The following ANXA10 variants were observed in gnomAD, a reference collection of about 807,000 sequenced individuals.
ANXA10 encodes annexin 14.
ANXA10 carries 49 observed loss-of-function variants against 53.5 expected under a neutral mutation model. That is an observed-to-expected ratio of 0.92 (90% CI 0.73 to 1.16). The LOEUF is 1.16. Ranked by LOEUF, ANXA10 falls within the 50% of genes most tolerant of loss-of-function variation. ANXA10 has a pLI of 0.00. For synonymous variants in ANXA10, 131 were observed against 128.9 expected (o/e 1.02, Z -0.11); for missense variants, 393 against 394.4 (o/e 1.00, Z 0.03).
At chr4:168,103,864 G>A (rs1357056690) in intron 1 of ANXA10, among the ~76,000 whole-genome samples, 1 of 151,684 alleles carries the variant, frequency 6.6e-6, no homozygotes, top group African/African-American at 2.4e-5. Context: ...ATTCCAATAT[G>A]TATAATGCTT....
Position 168,162,592 on chromosome 4 carries a change from T to C in ANXA10, c.260T>C (p.Met87Thr), listed in dbSNP as rs771523675. The change falls in exon 4 of 12, where the codon ATG becomes ACG. Residue 87 changes from methionine (M) to threonine (T), a missense_variant. Met to Thr is a moderately conservative substitution (Grantham distance 81). Transcript: ENST00000359299. ...DHFKDVMAGL[M>T]YPPPLYDAHE... ...TTCAAAGATGTGATGGCTGGCCTCA[T>C]GTACCCACCACCACTGTATGATGCT... The C allele has an allele frequency of 4.3e-6, 7 of 1,613,864 alleles. No homozygotes were observed. The highest frequency in any genetic ancestry group is 8.5e-7 in the Non-Finnish European group (1 of 1,179,912).
chr4:168,178,259 G>A (rs770032171), intron 8 of ANXA10: 66 of 397,500 alleles, frequency 1.7e-4, no homozygotes, highest in Non-Finnish European at 2.7e-4. Context: ...AAATATATTA[G>A]CTGTTTCCTA....
chr4:168,104,390 T>C (rs1038593341), intron 1 of ANXA10, among the ~76,000 whole-genome samples: 1 of 151,920 alleles, frequency 6.6e-6, no homozygotes, highest in Admixed American at 6.6e-5. Context: ...GTTTTGGTAT[T>C]AGTATAATCT....
intron 1 of ANXA10, among the ~76,000 whole-genome samples, chr4:168,115,231 C>T (rs1291385048): frequency 6.6e-6 from 1 of 152,046 alleles, no homozygotes; most frequent in East Asian, 1.9e-4. Flanking sequence ...GGCATTTAGG[C>T]TGATTCCATC....
In ANXA10 at chr4:168,101,682, TG is replaced by T. The variant is rs1560957399; in HGVS notation, c.18+8968del. On this transcript the variant is annotated intron_variant, in intron 1 of 11. Transcript: ENST00000359299. ...GGATACTAGTTATACTCATTGCTAC[TG>T]GGGTATCACTGTTTATATGCCCTCT... 1.5e-4 allele frequency among the ~76,000 whole-genome samples: 23 copies of T among 152,244 alleles called. No individual in the cohort carries two copies. The East Asian group carries it at 4.4e-3, about 29-fold the overall frequency.
intron 1 of ANXA10, among the ~76,000 whole-genome samples, chr4:168,108,382 C>T (rs1020362907): frequency 6.6e-6 from 1 of 152,150 alleles, no homozygotes; most frequent in Non-Finnish European, 1.5e-5. Flanking sequence ...TTTTGAAACA[C>T]TTCTGACATT....
At chr4:168,105,045 T>C (rs1206627388) in intron 1 of ANXA10, among the ~76,000 whole-genome samples, 1 of 151,950 alleles carries the variant, frequency 6.6e-6, no homozygotes, top group African/African-American at 2.4e-5. Context: ...TTGTTTCTTC[T>C]CTTGTTTTGA....
intron 1 of ANXA10, among the ~76,000 whole-genome samples, chr4:168,120,785 C>T (rs1367621263): frequency 1.3e-5 from 2 of 151,982 alleles, no homozygotes; most frequent in Admixed American, 1.3e-4. Context: ...GAAAGTGACA[C>T]TTTAAAATGT....
At position 168,165,315 on chromosome 4, in the gene ANXA10, A is replaced by C; in HGVS notation, c.469A>C (p.Asn157His). Residue 157 changes from asparagine (N) to histidine (H), a missense_variant, in exon 6 of 12, where the codon AAC becomes CAC. Physicochemically the swap from Asn to His is moderately conservative, Grantham distance 68. Coordinates refer to ENST00000359299, the MANE Select transcript of ANXA10 (RefSeq NM_007193.5). ...TSGHFRDTLM[N>H]LVQGTREEGY... The stretch of plus-strand genomic sequence containing the variant: ...AGGACACTTCAGAGATACTCTCATG[A>C]ACTTGGTCCAGGTATGGCATTCCAA... The C allele has an allele frequency of 6.3e-7, 1 of 1,581,144 alleles. No individual in the cohort carries two copies. Among genetic ancestry groups the C allele is most frequent in the Non-Finnish European group, 8.6e-7 (1 of 1,159,912 alleles).
At chr4:168,159,320 G>C (rs1731742295) in intron 3 of ANXA10, among the ~76,000 whole-genome samples, 1 of 152,108 alleles carries the variant, frequency 6.6e-6, no homozygotes, top group Admixed American at 6.6e-5. Context: ...ACATGTTTGT[G>C]TCTAGGTTTA....
At position 168,164,190 on chromosome 4, in the gene ANXA10, T is replaced by G; in HGVS notation, c.310-8T>G. Reference sequence around the variant, plus strand: ...TCCTTACATTTATCTCTTTTTTCCTTTCTCTAGGGAGTAGGCACTGATGAG... The same window carrying G: ...TCCTTACATTTATCTCTTTTTTCCTGTCTCTAGGGAGTAGGCACTGATGAG... On this transcript the variant is annotated splice_region_variant and splice_polypyrimidine_tract_variant and intron_variant, in intron 4 of 11. Transcript: ENST00000359299. 3 of 1,588,882 alleles carry G rather than the reference T, an allele frequency of 1.9e-6. No individual in the cohort carries two copies. The highest frequency in any genetic ancestry group is 2.6e-6 in the Non-Finnish European group (3 of 1,159,192).
chr4:168,110,792 A>C (rs1036873753), intron 1 of ANXA10, among the ~76,000 whole-genome samples: 1 of 152,188 alleles, frequency 6.6e-6, no homozygotes, highest in Non-Finnish European at 1.5e-5. Flanking sequence ...GAAGAAAGAA[A>C]AAAACAACAA....
chr4:168,136,245 C>T (rs116355761), intron 2 of ANXA10, among the ~76,000 whole-genome samples: 1 of 152,152 alleles, frequency 6.6e-6, no homozygotes. Context: ...CCTGTCCCCC[C>T]ACAAATCTCA....
At position 168,155,787 on chromosome 4, in the gene ANXA10, TATATATA is replaced by T. The variant is rs1560783732; in HGVS notation, c.196-6727_196-6721del. Among the ~76,000 whole-genome samples, 36 of 30,506 alleles carry T rather than the reference TATATATA, an allele frequency of 1.2e-3. 6 individuals are homozygous for T. The highest frequency in any genetic ancestry group is 5.2e-3 in the African/African-American group (31 of 5,976). The allele number at this position is 30,506 out of a possible 152,430, so 20.0% of individuals were successfully genotyped here. On this transcript the variant is annotated intron_variant, in intron 3 of 11. Transcript: ENST00000359299. ...ATATGATATATCATATATTATATAT[TATATATA>T]ATATATAATATATGATATATTATAT...
chr4:168,167,314 G>A (rs1731898543), intron 6 of ANXA10, among the ~76,000 whole-genome samples: 1 of 152,084 alleles, frequency 6.6e-6, no homozygotes, highest in Non-Finnish European at 1.5e-5. Flanking sequence ...CATAATAGTT[G>A]ATATTCCATA....
intron 1 of ANXA10, among the ~76,000 whole-genome samples, chr4:168,125,122 A>G (rs970737905): frequency 6.6e-6 from 1 of 152,186 alleles, no homozygotes; most frequent in Non-Finnish European, 1.5e-5. Flanking sequence ...CTTGGGAGAC[A>G]TGAGGCAGAG....
intron 3 of ANXA10, among the ~76,000 whole-genome samples, chr4:168,145,503 T>C (rs1462190963): frequency 2.0e-5 from 3 of 152,188 alleles, no homozygotes; most frequent in Non-Finnish European, 2.9e-5. Flanking sequence ...CAAGTACATC[T>C]TGGAGGTTAG....
intron 1 of ANXA10, among the ~76,000 whole-genome samples, chr4:168,101,699 T>C (rs1730642188): frequency 6.6e-6 from 1 of 152,132 alleles, no homozygotes. Flanking sequence ...TCACTGTTTA[T>C]ATGCCCTCTT....
At chr4:168,103,184 T>C (rs966095480) in intron 1 of ANXA10, among the ~76,000 whole-genome samples, 1 of 152,050 alleles carries the variant, frequency 6.6e-6, no homozygotes, top group Non-Finnish European at 1.5e-5. Context: ...CAAAGTCTAA[T>C]TTATTTTTTC....
Sources: allele counts gnomAD v4.1 joint callset (sites outside exome capture counted in the v4.1 genomes callset), GRCh38; gene constraint gnomAD v4.1.1; transcripts MANE v1.5; gene names NCBI Gene and HGNC (gene_info 2026-07-23, HGNC 2026-07-21).